Variants in ABCA5 observed in about 807,000 individuals in gnomAD.
The protein encoded by ABCA5 is cholesterol transporter ABCA5.
In ABCA5, 163 loss-of-function variants were observed where a neutral mutation model predicts 206.0. The ratio of observed to expected loss-of-function variants is 0.79; its 90% CI spans 0.70 to 0.90. The LOEUF (loss-of-function observed/expected upper bound fraction) is 0.90. Ranked by LOEUF, ABCA5 falls within the 40% of genes least tolerant of loss-of-function variation. ABCA5 has a pLI of 0.00. For synonymous variants in ABCA5, 609 were observed against 613.8 expected (o/e 0.99, Z 0.11); for missense variants, 1,859 against 1,912.9 (o/e 0.97, Z 0.53).
At chr17:69,290,184 T>C (rs1204326525) in intron 12 of ABCA5, 147 bp from the exon 13 acceptor site, 4 of 509,954 alleles carry the variant, frequency 7.8e-6, no homozygotes, top group Non-Finnish European at 1.3e-5. Flanking sequence ...CACCCTTCAA[T>C]ATTATTGGTG....
rs913140490 is a variant in ABCA5 at position 69,245,842 on chromosome 17, G to A, written c.*1695C>T. The stretch of plus-strand genomic sequence containing the variant: ...GCAGGTAATTTTCTTCATTAGTCAT[G>A]CTCTATCTTCAGATGACATAACTTT... On this transcript the variant is annotated 3_prime_UTR_variant, in exon 39 of 39. Coordinates refer to ENST00000392676, the MANE Select transcript of ABCA5 (RefSeq NM_172232.4). The A allele has an allele frequency of 2.2e-4, 34 of 151,858 alleles. No individual in the cohort carries two copies. Among genetic ancestry groups the A allele is most frequent in the African/African-American group, 7.2e-4 (30 of 41,414 alleles). 9.4% of individuals were successfully genotyped at this position (151,858 alleles called of 1,614,324 possible). A position where few individuals can be genotyped will look rare whatever the true frequency, so the allele number is the denominator to read the frequency against.
chr17:69,249,909 T>C lies in ABCA5; in HGVS notation c.4761A>G (p.Glu1587=), dbSNP rs141155276. 3 of 1,559,644 alleles carry C rather than the reference T, an allele frequency of 1.9e-6. No individual in the cohort carries two copies. The highest frequency in any genetic ancestry group is 2.3e-5 in the East Asian group (1 of 44,124). The change falls in exon 37 of 39, where the codon GAA becomes GAG. Residue 1587 remains glutamate, a synonymous_variant. Transcript: ENST00000392676. ...AAAATAGAAGATACTACTTACCTTCTTCCAGCTTAAAAAAAGATTGTGAAA... is the reference window on the plus strand; with the variant it reads ...AAAATAGAAGATACTACTTACCTTCCTCCAGCTTAAAAAAAGATTGTGAAA... ...QSLSQSFFKL[E]EAKHAFAIEE...
At chr17:69,273,515 G>C (rs2075296590) in intron 20 of ABCA5, among the ~76,000 whole-genome samples, 1 of 145,372 alleles carries the variant, frequency 6.9e-6, no homozygotes, top group Admixed American at 6.9e-5. Context: ...GAATGCAGTG[G>C]TGCAATCTCG....
At chr17:69,271,522 G>C (rs2075273970) in intron 20 of ABCA5, among the ~76,000 whole-genome samples, 1 of 152,070 alleles carries the variant, frequency 6.6e-6, no homozygotes, top group African/African-American at 2.4e-5. Flanking sequence ...TCCCTCTTTT[G>C]TAAAGTGGGT....
At chr17:69,267,032 G>A (rs537772734) in intron 23 of ABCA5, among the ~76,000 whole-genome samples, 1 of 151,716 alleles carries the variant, frequency 6.6e-6, no homozygotes, top group Non-Finnish European at 1.5e-5. Context: ...GCACCACCAC[G>A]CCCTAATTTT....
At chr17:69,291,682 A>C (rs1030364388) in intron 11 of ABCA5, among the ~76,000 whole-genome samples, 2 of 152,226 alleles carry the variant, frequency 1.3e-5, no homozygotes, top group African/African-American at 2.4e-5. Flanking sequence ...TGGCAAAAAA[A>C]CAAGAAATTA....
intron 31 of ABCA5, among the ~76,000 whole-genome samples, chr17:69,255,332 A>G (rs2075062039): frequency 6.6e-6 from 1 of 152,200 alleles, no homozygotes; most frequent in Non-Finnish European, 1.5e-5. Context: ...GAAATACTGT[A>G]TATGCGTGTG....
chr17:69,302,462 C>T (rs879328683), intron 8 of ABCA5, among the ~76,000 whole-genome samples: 15 of 152,026 alleles, frequency 9.9e-5, no homozygotes, highest in Non-Finnish European at 1.6e-4. Context: ...TGAGTTTCTG[C>T]AGTGAAATAA....
intron 11 of ABCA5, among the ~76,000 whole-genome samples, chr17:69,293,088 A>G (rs2075545454): frequency 6.6e-6 from 1 of 152,116 alleles, no homozygotes; most frequent in African/African-American, 2.4e-5. Flanking sequence ...TTTGGTTGTT[A>G]CAACTGGGAG....
At chr17:69,299,703 G>A (rs544006920) in intron 9 of ABCA5, among the ~76,000 whole-genome samples, 94 of 152,008 alleles carry the variant, frequency 6.2e-4, no homozygotes, top group African/African-American at 2.2e-3. Context: ...TCAGGGAAAA[G>A]GTGGGAGGGG....
At chr17:69,288,719 G>GAAGAAAGAAAGAAAGAAAGAAAGAAAGA (rs147123123) in intron 14 of ABCA5, among the ~76,000 whole-genome samples, 10 of 145,188 alleles carry the variant, frequency 6.9e-5, no homozygotes, top group African/African-American at 2.6e-4. Flanking sequence ...AAAAAAAAAA[G>GAAGAAAGAAAGAAAGAAAGAAAGAAAGA]AAGAAAGAAA....
intron 7 of ABCA5, among the ~76,000 whole-genome samples, chr17:69,303,831 T>TACAC (rs2075684586): frequency 3.6e-5 from 1 of 27,718 alleles, no homozygotes. Context: ...TATATGTATA[T>TACAC]ATATATATAC....
At chr17:69,321,988 C>G (rs1484285980) in intron 1 of ABCA5, among the ~76,000 whole-genome samples, 1 of 151,962 alleles carries the variant, frequency 6.6e-6, no homozygotes, top group Non-Finnish European at 1.5e-5. Context: ...GCCCATCTTC[C>G]TTTTCTAATG....
At chr17:69,286,729 T>C (rs1457673533) in intron 15 of ABCA5, among the ~76,000 whole-genome samples, 3 of 152,222 alleles carry the variant, frequency 2.0e-5, no homozygotes, top group Admixed American at 2.0e-4. Flanking sequence ...TTGTTGGGTT[T>C]TTAAAAATAA....
chr17:69,301,533 A>T (rs1011549), intron 8 of ABCA5, among the ~76,000 whole-genome samples: 59,915 of 151,958 alleles, frequency 0.39, 12,702 homozygotes, highest in Middle Eastern at 0.52. Flanking sequence ...TTTAACTGGG[A>T]TATATTCACT....
intron 1 of ABCA5, among the ~76,000 whole-genome samples, chr17:69,320,516 A>G (rs775584239): frequency 3.3e-5 from 5 of 152,176 alleles, no homozygotes; most frequent in Non-Finnish European, 2.9e-5. Flanking sequence ...TTGAGCTTCA[A>G]TTCAAGTTAT....
rs756030188 is a variant in ABCA5, at chr17:69,247,500, G to C, written c.*37C>G. On this transcript the variant is annotated 3_prime_UTR_variant, in exon 39 of 39. Transcript: ENST00000392676. ...ACCAAAGTTAAAATTAAGTGAAAAAGAAAGAAGTCCCAGTAAGCAGACCGA... is the reference window on the plus strand; with the variant it reads ...ACCAAAGTTAAAATTAAGTGAAAAACAAAGAAGTCCCAGTAAGCAGACCGA... 7.3e-7 allele frequency: 1 copy of C among 1,370,090 alleles called. No individual in the cohort carries two copies. The highest frequency in any genetic ancestry group is 1.0e-6 in the Non-Finnish European group (1 of 999,960). The allele number at this position is 1,370,090 out of a possible 1,614,324, so 84.9% of individuals were successfully genotyped here. A position where few individuals can be genotyped will look rare whatever the true frequency, so the allele number is the denominator to read the frequency against.
intron 19 of ABCA5, among the ~76,000 whole-genome samples, chr17:69,274,819 G>C (rs991525378): frequency 2.9e-5 from 4 of 139,966 alleles, no homozygotes; most frequent in Non-Finnish European, 6.2e-5. Context: ...TTCCTGTCCT[G>C]TCTCTATCTT....
chr17:69,316,583 T>G (rs1186435765), intron 1 of ABCA5, among the ~76,000 whole-genome samples: 1 of 125,658 alleles, frequency 8.0e-6, no homozygotes, highest in East Asian at 2.2e-4. Flanking sequence ...GGAGAAAGAG[T>G]ATTAATGCTA....
Sources: gnomAD v4.1 joint callset for allele counts (sites outside exome capture counted in the v4.1 genomes callset) on GRCh38, gnomAD v4.1.1 for gene constraint, MANE v1.5 for transcripts, NCBI Gene and HGNC (gene_info 2026-07-23, HGNC 2026-07-21) for gene names.